The following LRP1B variants were observed in gnomAD, a reference collection of about 807,000 sequenced individuals.
The protein encoded by LRP1B is LDL receptor related protein 1B, also known as low-density lipoprotein receptor-related protein 1B.
In LRP1B, 217 loss-of-function variants were observed where a neutral mutation model predicts 556.6. The observed-to-expected ratio is 0.39, with a 90% CI of 0.35 to 0.44. LRP1B has a LOEUF of 0.44. Ranked by LOEUF, LRP1B falls within the 20% of genes least tolerant of loss-of-function variation. The probability of loss-of-function intolerance (pLI) is 1.00; values close to 1 mark genes in which losing one functional copy is unlikely to be tolerated. For synonymous variants in LRP1B, 2,047 were observed against 1,865.8 expected (o/e 1.10, Z -2.50); for missense variants, 5,053 against 5,620.8 (o/e 0.90, Z 3.23).
intron 41 of LRP1B, chr2:140,683,989 C>T (rs1171452378): frequency 3.3e-6 from 1 of 302,584 alleles, no homozygotes; most frequent in Non-Finnish European, 6.3e-6. Flanking sequence ...TACTTTTGCA[C>T]CAACCGAATA....
intron 1 of LRP1B, among the ~76,000 whole-genome samples, chr2:141,892,783 T>C (rs1210544716): frequency 6.6e-6 from 1 of 152,144 alleles, no homozygotes; most frequent in Non-Finnish European, 1.5e-5. Context: ...ATTCTCTATT[T>C]CCCAGACGCT....
At chr2:140,536,921 C>G (rs955142458) in intron 45 of LRP1B, among the ~76,000 whole-genome samples, 1 of 151,280 alleles carries the variant, frequency 6.6e-6, no homozygotes, top group Admixed American at 6.6e-5. Context: ...CGCCTGTAAT[C>G]TCAGCACTTT....
intron 1 of LRP1B, among the ~76,000 whole-genome samples, chr2:141,878,726 T>C (rs1332996884): frequency 1.3e-5 from 2 of 152,002 alleles, no homozygotes; most frequent in African/African-American, 4.8e-5. Context: ...TAGGGAAAAG[T>C]CACTTAAGTT....
chr2:140,988,840 TGA>T (rs1697006430), intron 17 of LRP1B, among the ~76,000 whole-genome samples: 1 of 152,016 alleles, frequency 6.6e-6, no homozygotes, highest in African/African-American at 2.4e-5. Context: ...AGTCATCAAA[TGA>T]ACTATTTTTT....
At chr2:140,599,389 T>C (rs1417354203) in intron 42 of LRP1B, among the ~76,000 whole-genome samples, 1 of 152,138 alleles carries the variant, frequency 6.6e-6, no homozygotes, top group Non-Finnish European at 1.5e-5. Flanking sequence ...GTGTGATTTT[T>C]CTATAAATTA....
intron 43 of LRP1B, among the ~76,000 whole-genome samples, chr2:140,556,175 G>A (rs1290362890): frequency 6.6e-6 from 1 of 152,056 alleles, no homozygotes; most frequent in African/African-American, 2.4e-5. Context: ...GAAGCAGGAA[G>A]GCAACTCTGA....
chr2:140,242,003 A>C (rs1443372642), intron 87 of LRP1B, among the ~76,000 whole-genome samples: 1 of 150,864 alleles, frequency 6.6e-6, no homozygotes, highest in African/African-American at 2.4e-5. Flanking sequence ...ATGGTTCTGA[A>C]ACCTCATCAT....
At chr2:141,908,344 A>T (rs1367245800) in intron 1 of LRP1B, among the ~76,000 whole-genome samples, 1 of 152,060 alleles carries the variant, frequency 6.6e-6, no homozygotes, top group Non-Finnish European at 1.5e-5. Flanking sequence ...TTTGTTAAAT[A>T]ATTAAACCCA....
intron 2 of LRP1B, among the ~76,000 whole-genome samples, chr2:141,733,045 G>A (rs1386751010): frequency 6.6e-6 from 1 of 152,044 alleles, no homozygotes; most frequent in African/African-American, 2.4e-5. Context: ...GAGGATCAAT[G>A]GTGGGGTTCT....
chr2:140,732,972 A>G (rs1400986818), intron 35 of LRP1B, among the ~76,000 whole-genome samples: 2 of 152,126 alleles, frequency 1.3e-5, no homozygotes, highest in African/African-American at 2.4e-5. Context: ...TTATCAAAGT[A>G]GAGATATAAC....
chr2:141,349,378 G>A (rs556815413), intron 3 of LRP1B, among the ~76,000 whole-genome samples: 2 of 151,876 alleles, frequency 1.3e-5, no homozygotes, highest in African/African-American at 2.4e-5. Context: ...GAGTGTCTGT[G>A]GTTTTTAAAG....
chr2:141,234,624 G>C (rs145727118), intron 5 of LRP1B, among the ~76,000 whole-genome samples: 1 of 151,982 alleles, frequency 6.6e-6, no homozygotes, highest in Admixed American at 6.6e-5. Flanking sequence ...TGATCTGCCC[G>C]CCTCGGCCTC....
At chr2:142,021,403 T>C (rs756066262) in intron 1 of LRP1B, among the ~76,000 whole-genome samples, 4 of 152,152 alleles carry the variant, frequency 2.6e-5, no homozygotes, top group South Asian at 2.1e-4. Flanking sequence ...TTAAAATTCA[T>C]AGGGCTAATG....
chr2:142,067,500 A>G (rs1705149539), intron 1 of LRP1B, among the ~76,000 whole-genome samples: 1 of 151,586 alleles, frequency 6.6e-6, no homozygotes. Context: ...AGTGTGGACT[A>G]AAAAATATGC....
At chr2:141,704,693 A>C (rs904869321) in intron 2 of LRP1B, among the ~76,000 whole-genome samples, 1 of 151,942 alleles carries the variant, frequency 6.6e-6, no homozygotes, top group African/African-American at 2.4e-5. Flanking sequence ...CATCTGATTC[A>C]TATTTTCTTC....
chr2:140,734,305 C>T (rs987559832), intron 35 of LRP1B, among the ~76,000 whole-genome samples: 2 of 152,124 alleles, frequency 1.3e-5, no homozygotes, highest in Admixed American at 6.5e-5. Context: ...AAAGGTAAAG[C>T]CTACATCAAT....
intron 1 of LRP1B, among the ~76,000 whole-genome samples, chr2:141,945,116 G>A (rs868521172): frequency 2.0e-5 from 3 of 151,990 alleles, no homozygotes; most frequent in Admixed American, 6.6e-5. Flanking sequence ...GTCGTTTTTG[G>A]AGCAGACAAC....
chr2:140,511,930 A>G (rs1410525299), intron 51 of LRP1B, among the ~76,000 whole-genome samples: 2 of 152,212 alleles, frequency 1.3e-5, no homozygotes, highest in African/African-American at 4.8e-5. Context: ...GCTTGCCATG[A>G]AACCATAAAG....
At chr2:141,072,194 C>A (rs34992589) in intron 7 of LRP1B, among the ~76,000 whole-genome samples, 2 of 151,970 alleles carry the variant, frequency 1.3e-5, no homozygotes, top group African/African-American at 4.8e-5. Flanking sequence ...TTGAATGTTC[C>A]AGAATATTAT....
Sources: gnomAD v4.1 joint callset for allele counts (sites outside exome capture counted in the v4.1 genomes callset) on GRCh38, gnomAD v4.1.1 for gene constraint, MANE v1.5 for transcripts, NCBI Gene and HGNC (gene_info 2026-07-23, HGNC 2026-07-21) for gene names.